The following BMF variants were observed in gnomAD, a reference collection of about 807,000 sequenced individuals.
BMF encodes the protein bcl-2-modifying factor.
BMF carries 10 observed loss-of-function variants against 22.0 expected under a neutral mutation model. The observed-to-expected ratio is 0.45, with a 90% CI of 0.28 to 0.77. The LOEUF (loss-of-function observed/expected upper bound fraction) is 0.77. Ranked by LOEUF, BMF falls within the 30% of genes least tolerant of loss-of-function variation. BMF has a pLI of 0.13. For synonymous variants in BMF, 87 were observed against 88.1 expected (o/e 0.99, Z 0.07); for missense variants, 206 against 226.8 (o/e 0.91, Z 0.59).
Position 40,088,654 on chromosome 15 carries a change from G to A in BMF, c.*3133C>T, listed in dbSNP as rs966840930. On this transcript the variant is annotated 3_prime_UTR_variant, in exon 5 of 5. Transcript: ENST00000354670. ...CCCCAGGCAGGGGCCACCTGCCGATGGGGCTGGGCTGCCAGGAGCAGTGAG... is the reference window on the plus strand; with the variant it reads ...CCCCAGGCAGGGGCCACCTGCCGATAGGGCTGGGCTGCCAGGAGCAGTGAG... 6.6e-6 allele frequency: 1 copy of A among 152,442 alleles called. No homozygotes were observed. Among genetic ancestry groups the A allele is most frequent in the African/African-American group, 2.4e-5 (1 of 41,474 alleles). 9.4% of individuals were successfully genotyped at this position (152,442 alleles called of 1,614,324 possible). A position where few individuals can be genotyped will look rare whatever the true frequency, so the allele number is the denominator to read the frequency against.
chr15:40,106,077 A>G lies in BMF; in HGVS notation c.10T>C (p.Ser4Pro). MEPSQCVEELEDDV... is the reference protein window; with the variant it reads MEPPQCVEELEDDV... ...TCCTCCAGCTCCTCCACACACTGAGATGGCTCCATCTCTCCTGTGAGGGGG... is the reference window on the plus strand; with the variant it reads ...TCCTCCAGCTCCTCCACACACTGAGGTGGCTCCATCTCTCCTGTGAGGGGG... Residue 4 changes from serine (S) to proline (P), a missense_variant, in exon 3 of 5, where the codon TCT (serine) becomes CCT (proline). Transcript: ENST00000354670. This position sits in a 1 kb window ranked among gnomAD's most constrained non-coding sequence, Gnocchi z 4.1. 6.2e-7 allele frequency: 1 copy of G among 1,602,966 alleles called. No individual in the cohort carries two copies. The highest frequency in any genetic ancestry group is 8.5e-7 in the Non-Finnish European group (1 of 1,174,160).
chr15:40,091,989 G>T, intron 4 of BMF, 101 bp from the exon 5 acceptor site: 1 of 914,234 alleles, frequency 1.1e-6, no homozygotes, highest in Non-Finnish European at 1.7e-6. Flanking sequence ...AAGTCTCACG[G>T]CTGGCACTTT....
intron 2 of BMF, among the ~76,000 whole-genome samples, chr15:40,107,323 GA>G (rs1299285331): frequency 2.6e-5 from 4 of 152,228 alleles, no homozygotes; most frequent in Admixed American, 2.6e-4. Context: ...ATGGATTGGT[GA>G]AGTAGCTAAA....
At position 40,089,156 on chromosome 15, in the gene BMF, C is replaced by G. The variant is rs767268893; in HGVS notation, c.*2631G>C. 4 of 152,080 alleles carry G rather than the reference C, an allele frequency of 2.6e-5. No individual in the cohort carries two copies. The highest frequency in any genetic ancestry group is 5.9e-5 in the Non-Finnish European group (4 of 67,984). 9.4% of individuals were successfully genotyped at this position (152,080 alleles called of 1,614,324 possible). A position where few individuals can be genotyped will look rare whatever the true frequency, so the allele number is the denominator to read the frequency against. ...CCTCTAAATCTGATTCTCCACCCCT[C>G]GCTAGAGACAGCCAGGCTCCTGGGG... On this transcript the variant is annotated 3_prime_UTR_variant, in exon 5 of 5. Transcript: ENST00000354670.
chr15:40,103,169 C>T (rs1308930417), intron 4 of BMF, among the ~76,000 whole-genome samples: 1 of 152,250 alleles, frequency 6.6e-6, no homozygotes, highest in Non-Finnish European at 1.5e-5. Flanking sequence ...TCTGCCCAGT[C>T]ATGGTCAAGC....
chr15:40,101,537 G>A (rs919171935), intron 4 of BMF, among the ~76,000 whole-genome samples: 3 of 152,126 alleles, frequency 2.0e-5, no homozygotes, highest in African/African-American at 7.2e-5. Context: ...GCAAAAATGA[G>A]GGAAGGGAAT....
rs887967394 is a variant in BMF at position 40,089,594 on chromosome 15, C to T, written c.*2193G>A. On this transcript the variant is annotated 3_prime_UTR_variant, in exon 5 of 5. Transcript: ENST00000354670. ...GCACCCAGCCTGGGCCTGGCAAGGT[C>T]TCTGAAGCTGATGGCCTTGCCCCAG... 1 of 152,232 alleles carries T rather than the reference C, an allele frequency of 6.6e-6. No homozygotes were observed. Among genetic ancestry groups the T allele is most frequent in the Non-Finnish European group, 1.5e-5 (1 of 68,052 alleles). The allele number at this position is 152,232 out of a possible 1,614,324, so 9.4% of individuals were successfully genotyped here.
Position 40,088,145 on chromosome 15 carries a change from G to A in BMF, c.*3642C>T, listed in dbSNP as rs558823242. 6.6e-6 allele frequency: 1 copy of A among 152,648 alleles called. No homozygotes were observed. The highest frequency in any genetic ancestry group is 1.5e-5 in the Non-Finnish European group (1 of 68,062). 9.5% of individuals were successfully genotyped at this position (152,648 alleles called of 1,614,324 possible). On this transcript the variant is annotated 3_prime_UTR_variant, in exon 5 of 5. Coordinates refer to ENST00000354670, the MANE Select transcript of BMF (RefSeq NM_001003940.2). ...CGATAGCCCCTGTGGATCCAGGGATGGGGTAGAAGGCTAGCAATGCTCCCA... is the reference window on the plus strand; with the variant it reads ...CGATAGCCCCTGTGGATCCAGGGATAGGGTAGAAGGCTAGCAATGCTCCCA...
chr15:40,099,414 CCT>C (rs1278151073), intron 4 of BMF, among the ~76,000 whole-genome samples: 5 of 152,096 alleles, frequency 3.3e-5, no homozygotes, highest in African/African-American at 1.2e-4. Context: ...CTCAACTGTC[CCT>C]GACTTAATAG....
rs2036586773 is a variant in BMF at position 40,106,314 on chromosome 15, G to C, written c.-5-223C>G. 2.2e-6 allele frequency: 1 copy of C among 463,626 alleles called. No homozygotes were observed. The allele number at this position is 463,626 out of a possible 1,614,324, so 28.7% of individuals were successfully genotyped here. ...CAGGGGCTCTCCACACCTCTTCCCTGGGCCCGCCTGGAACCACCCTTTTTC... is the reference window on the plus strand; with the variant it reads ...CAGGGGCTCTCCACACCTCTTCCCTCGGCCCGCCTGGAACCACCCTTTTTC... On this transcript the variant is annotated intron_variant, in intron 2 of 4. Transcript: ENST00000354670. The surrounding 1 kb of genome is among the most constrained non-coding windows in gnomAD (Gnocchi z 4.1).
Position 40,091,541 on chromosome 15 carries a change from A to G in BMF, c.*246T>C. On this transcript the variant is annotated 3_prime_UTR_variant, in exon 5 of 5. Transcript: ENST00000354670. ...AGAGCCCTTGGGAATTCTCACCATC[A>G]CAGACACATCAGCCTCTCCTTCAAC... is the stretch of plus-strand genomic sequence containing the variant. 1 of 443,520 alleles carries G rather than the reference A, an allele frequency of 2.3e-6. No individual in the cohort carries two copies. Among genetic ancestry groups the G allele is most frequent in the Non-Finnish European group, 4.0e-6 (1 of 248,364 alleles). The allele number at this position is 443,520 out of a possible 1,614,324, so 27.5% of individuals were successfully genotyped here.
intron 4 of BMF, among the ~76,000 whole-genome samples, chr15:40,095,806 A>G (rs1211188163): frequency 6.6e-6 from 1 of 152,170 alleles, no homozygotes; most frequent in Non-Finnish European, 1.5e-5. Flanking sequence ...CAATGAAGAG[A>G]GCACAAGCAG....
At chr15:40,097,528 T>C (rs1284141639) in intron 4 of BMF, among the ~76,000 whole-genome samples, 1 of 152,162 alleles carries the variant, frequency 6.6e-6, no homozygotes, top group South Asian at 2.1e-4. Context: ...GCAGCAGGTA[T>C]GGGGCGATTG....
At chr15:40,097,244 C>T (rs1486076297) in intron 4 of BMF, among the ~76,000 whole-genome samples, 1 of 150,670 alleles carries the variant, frequency 6.6e-6, no homozygotes. Context: ...CCTAACTGAG[C>T]TACCAAACAC....
At chr15:40,100,847 C>T (rs1021734243) in intron 4 of BMF, among the ~76,000 whole-genome samples, 3 of 152,126 alleles carry the variant, frequency 2.0e-5, no homozygotes, top group East Asian at 1.9e-4. Flanking sequence ...GGGAGAAGGT[C>T]GTTCTGGTGC....
intron 4 of BMF, among the ~76,000 whole-genome samples, chr15:40,100,162 C>T (rs1567033868): frequency 6.6e-6 from 1 of 152,202 alleles, no homozygotes. Context: ...CCCCAAATGT[C>T]ATGATGGGCC....
At chr15:40,092,031 A>AG in intron 4 of BMF, 143 bp from the exon 5 acceptor site, 1 of 645,552 alleles carries the variant, frequency 1.5e-6, no homozygotes, top group Non-Finnish European at 2.7e-6. Flanking sequence ...AGCGGGGAGG[A>AG]GGGGGAGGTG....
At chr15:40,092,935 C>G (rs1220701796) in intron 4 of BMF, among the ~76,000 whole-genome samples, 2 of 152,220 alleles carry the variant, frequency 1.3e-5, no homozygotes, top group African/African-American at 4.8e-5. Context: ...CCAGCACGGG[C>G]TGGACTTGGA....
In BMF at chr15:40,091,829, A is replaced by G; in HGVS notation, c.513T>C (p.Ala171=). 1 of 1,612,000 alleles carries G rather than the reference A, an allele frequency of 6.2e-7. No individual in the cohort carries two copies. The highest frequency in any genetic ancestry group is 8.5e-7 in the Non-Finnish European group (1 of 1,179,380). ...WQILLFLHNL[A]LNGEENRNGA... is the part of the protein sequence containing the mutation. ...CGTTCCTGTTCTCTTCTCCATTCAA[A>G]GCAAGGTTGTGCAGGAAGAGGAGGA... is the stretch of plus-strand genomic sequence containing the variant. The change falls in exon 5 of 5, where the codon GCT becomes GCC. Residue 171 remains alanine, a synonymous_variant. Transcript: ENST00000354670.
Sources: allele counts gnomAD v4.1 joint callset (sites outside exome capture counted in the v4.1 genomes callset), GRCh38; gene constraint gnomAD v4.1.1; non-coding constraint Gnocchi (gnomAD v3.1); transcripts MANE v1.5; gene names NCBI Gene and HGNC (gene_info 2026-07-23, HGNC 2026-07-21).